The following ZNF7 variants were observed in gnomAD, a reference collection of about 807,000 sequenced individuals.
The protein encoded by ZNF7 is zinc finger protein 7.
ZNF7 carries 10 observed loss-of-function variants against 12.0 expected under a neutral mutation model. That is an observed-to-expected ratio of 0.83 (90% confidence interval 0.51 to 1.42). ZNF7 has a LOEUF of 1.42. Ranked by LOEUF, ZNF7 falls within the 40% of genes most tolerant of loss-of-function variation. The probability of loss-of-function intolerance (pLI) is 0.00; values close to 1 mark genes in which losing one functional copy is unlikely to be tolerated. For synonymous variants in ZNF7, 334 were observed against 295.0 expected (o/e 1.13, Z -1.35); for missense variants, 854 against 837.2 (o/e 1.02, Z -0.25).
chr8:144,827,900 C>T (rs1175807244), intron 1 of ZNF7: 2 of 159,484 alleles, frequency 1.3e-5, no homozygotes, highest in Non-Finnish European at 2.7e-5. Context: ...AGGCGAGCTC[C>T]AGCTGCGGCC....
chr8:144,838,061 C>T (rs192197055), intron 4 of ZNF7: 6 of 702,908 alleles, frequency 8.5e-6, no homozygotes, highest in Non-Finnish European at 1.3e-5. Context: ...GCCGTGCCCC[C>T]CTGTGAAGGC....
intron 3 of ZNF7, chr8:144,831,135 C>G (rs1038466918): frequency 7.1e-6 from 3 of 422,732 alleles, no homozygotes; most frequent in Non-Finnish European, 1.4e-5. Context: ...CTCTCAGGCC[C>G]TGTGTGTACA....
At chr8:144,839,540 C>G (rs1563836528) in intron 4 of ZNF7, among the ~76,000 whole-genome samples, 1 of 152,218 alleles carries the variant, frequency 6.6e-6, no homozygotes, top group South Asian at 2.1e-4. Context: ...AGAAATAGTT[C>G]AGTGGGTTTA....
rs1249639727 is a variant in ZNF7 at position 144,827,574 on chromosome 8, C to A, written c.-81C>A. ...GGCCAAGGCCCGTTTCCGGCGGCGT[C>A]GCGCGTTTGCGAGCCTCGGGTGGTC... On this transcript the variant is annotated 5_prime_UTR_variant, in exon 1 of 5. Coordinates refer to ENST00000532777, the MANE Select transcript of ZNF7 (RefSeq NM_003416.4). 1 of 985,696 alleles carries A rather than the reference C, an allele frequency of 1.0e-6. No homozygotes were observed. Among genetic ancestry groups the A allele is most frequent in the Non-Finnish European group, 1.2e-6 (1 of 830,184 alleles). The allele number at this position is 985,696 out of a possible 1,614,324, so 61.1% of individuals were successfully genotyped here.
chr8:144,847,326 T>C (rs1462953472), downstream of ZNF7: 1 of 152,288 alleles, frequency 6.6e-6, no homozygotes, highest in Non-Finnish European at 1.5e-5. Context: ...ACGCCTGTAA[T>C]TCCAGCACTT....
chr8:144,837,829 G>A (rs1371899757), intron 4 of ZNF7, among the ~76,000 whole-genome samples: 1 of 152,106 alleles, frequency 6.6e-6, no homozygotes, highest in Admixed American at 6.6e-5. Context: ...ACAAACCTAT[G>A]GATCCAAGTG....
chr8:144,838,672 G>C (rs1173830576), intron 4 of ZNF7: 1 of 152,902 alleles, frequency 6.5e-6, no homozygotes, highest in African/African-American at 2.4e-5. Context: ...GCCGGGCATG[G>C]TGGCTCACGC....
Position 144,841,997 on chromosome 8 carries a change from A to C in ZNF7, c.890A>C (p.Gln297Pro), listed in dbSNP as rs754314324. 1 of 1,614,216 alleles carries C rather than the reference A, an allele frequency of 6.2e-7. No homozygotes were observed. The highest frequency in any genetic ancestry group is 1.1e-5 in the South Asian group (1 of 91,082). ...CTGAGCTCAAAACTTATTCAGCATC[A>C]AAGAATCCACACTGGGGAGAAGCCC... ...FRLSSKLIQH[Q>P]RIHTGEKPYR... Residue 297 changes from glutamine to proline, a missense_variant, in exon 5 of 5, where the codon CAA becomes CCA. Gln to Pro is a moderately conservative substitution (Grantham distance 76). Coordinates refer to ENST00000532777, the MANE Select transcript of ZNF7 (RefSeq NM_003416.4).
downstream of ZNF7, chr8:144,845,860 C>T (rs1286525066): frequency 2.1e-6 from 2 of 936,848 alleles, no homozygotes; most frequent in Non-Finnish European, 1.6e-6. Flanking sequence ...AGTATGTGTG[C>T]AGTGTCCCTG....
At chr8:144,847,024 G>A (rs1226232299), downstream of ZNF7, 2 of 152,208 alleles carry the variant, frequency 1.3e-5, no homozygotes, top group Admixed American at 6.5e-5. Flanking sequence ...CTAGCTGCAC[G>A]ATGTGGAAAT....
chr8:144,841,028 C>A (rs1040250993), intron 4 of ZNF7: 1 of 263,710 alleles, frequency 3.8e-6, no homozygotes, highest in African/African-American at 2.2e-5. Context: ...AGCTTCCCAC[C>A]CTTCTGGTCT....
Position 144,843,234 on chromosome 8 carries a change from G to T in ZNF7, c.*66G>T. The T allele has an allele frequency of 6.8e-7, 1 of 1,480,050 alleles. No homozygotes were observed. Among genetic ancestry groups the T allele is most frequent in the Non-Finnish European group, 9.0e-7 (1 of 1,106,396 alleles). The allele number at this position is 1,480,050 out of a possible 1,614,324, so 91.7% of individuals were successfully genotyped here. A position where few individuals can be genotyped will look rare whatever the true frequency, so the allele number is the denominator to read the frequency against. ...TAGCCTTAACTTACTTATTTTATAT[G>T]GAATCGTTTATACTGACAAACATGT... On this transcript the variant is annotated 3_prime_UTR_variant, in exon 5 of 5. Coordinates refer to ENST00000532777, the MANE Select transcript of ZNF7 (RefSeq NM_003416.4).
Position 144,842,552 on chromosome 8 carries a change from C to A in ZNF7, c.1445C>A (p.Ser482Ter). ...TGTGGCAAAGGCTTTGTTCAGGGCT[C>A]ACACCTTATTCAGCATCAGCGAATC... ...DECGKGFVQGSHLIQHQRIHT... is the reference protein window; with the variant it reads ...DECGKGFVQG The change falls in exon 5 of 5, where the codon TCA becomes TAA. Residue 482 changes from serine to a stop codon, truncating the protein, a stop_gained. Transcript: ENST00000532777. LOFTEE classifies it low-confidence loss of function (END_TRUNC). The A allele has an allele frequency of 6.2e-7, 1 of 1,614,180 alleles. No individual in the cohort carries two copies. The highest frequency in any genetic ancestry group is 8.5e-7 in the Non-Finnish European group (1 of 1,180,024).
At chr8:144,828,753 C>G in intron 1 of ZNF7, 2 of 427,574 alleles carry the variant, frequency 4.7e-6, no homozygotes, top group Non-Finnish European at 8.6e-6. Flanking sequence ...GCAGGGTCCT[C>G]GTGTCCACTA....
chr8:144,841,495 G>A lies in ZNF7; in HGVS notation c.388G>A (p.Val130Ile), dbSNP rs777669770. 8.1e-6 allele frequency: 13 copies of A among 1,614,030 alleles called. No homozygotes were observed. Among genetic ancestry groups the A allele is most frequent in the South Asian group, 1.1e-5 (1 of 91,084 alleles). Residue 130 changes from valine to isoleucine, a missense_variant, in exon 5 of 5, where the codon GTC becomes ATC. Physicochemically the swap from Val to Ile is conservative, Grantham distance 29 (BLOSUM62 3). Transcript: ENST00000532777. ...CTTTGGAGACGTTTCTGATTCTGAGGTCTGGTTAGACAGTCATCTGGGCAG... is the reference window on the plus strand; with the variant it reads ...CTTTGGAGACGTTTCTGATTCTGAGATCTGGTTAGACAGTCATCTGGGCAG... ...PGFGDVSDSE[V>I]WLDSHLGSPG...
rs765918704 is a variant in ZNF7 at position 144,842,603 on chromosome 8, G to A, written c.1496G>A (p.Cys499Tyr). The part of the protein sequence containing the change: ...RIHTGEKPYV[C>Y]NDCGKAFSQS... Reference sequence around the variant, plus strand: ...CACACTGGAGAGAAACCCTATGTGTGTAATGACTGTGGAAAAGCCTTCAGT... The same window carrying A: ...CACACTGGAGAGAAACCCTATGTGTATAATGACTGTGGAAAAGCCTTCAGT... Residue 499 changes from cysteine to tyrosine, a missense_variant, in exon 5 of 5, where the codon TGT becomes TAT. Coordinates refer to ENST00000532777, the MANE Select transcript of ZNF7 (RefSeq NM_003416.4). 1.2e-6 allele frequency: 2 copies of A among 1,614,246 alleles called. No individual in the cohort carries two copies. Among genetic ancestry groups the A allele is most frequent in the Non-Finnish European group, 1.7e-6 (2 of 1,180,054 alleles).
intron 3 of ZNF7, chr8:144,834,456 A>G (rs900076040): frequency 6.6e-6 from 1 of 152,232 alleles, no homozygotes; most frequent in African/African-American, 2.4e-5. Context: ...AAGGGAATGC[A>G]TCTACATAAC....
chr8:144,842,027 G>C lies in ZNF7; in HGVS notation c.920G>C (p.Arg307Thr). 6.2e-7 allele frequency: 1 copy of C among 1,613,852 alleles called. No individual in the cohort carries two copies. Among genetic ancestry groups the C allele is most frequent in the Middle Eastern group, 1.7e-4 (1 of 6,060 alleles). The change falls in exon 5 of 5, where the codon AGA becomes ACA. Residue 307 changes from arginine (R) to threonine (T), a missense_variant. Physicochemically the swap from Arg to Thr is moderately conservative, Grantham distance 71. Coordinates refer to ENST00000532777, the MANE Select transcript of ZNF7 (RefSeq NM_003416.4). ...QRIHTGEKPY[R>T]CEECGKAFGQ... Reference sequence around the variant, plus strand: ...ATCCACACTGGGGAGAAGCCCTACAGATGTGAGGAATGTGGAAAAGCTTTT... The same window carrying C: ...ATCCACACTGGGGAGAAGCCCTACACATGTGAGGAATGTGGAAAAGCTTTT...
At chr8:144,845,291 G>A (rs781319110), downstream of ZNF7, among the ~76,000 whole-genome samples, 12 of 152,254 alleles carry the variant, frequency 7.9e-5, no homozygotes, top group Non-Finnish European at 1.3e-4. Context: ...TTCCCATGAC[G>A]CAGAGGCCCA....
Sources: gnomAD v4.1 joint callset for allele counts (sites outside exome capture counted in the v4.1 genomes callset) on GRCh38, gnomAD v4.1.1 for gene constraint, MANE v1.5 for transcripts, NCBI Gene and HGNC (gene_info 2026-07-23, HGNC 2026-07-21) for gene names.